The following RIBC2 variants were observed in gnomAD, a reference collection of about 807,000 sequenced individuals.
RIBC2 encodes the protein RIB43A-like with coiled-coils protein 2.
A neutral mutation model predicts 44.3 loss-of-function variants in RIBC2; 40 were observed. The ratio of observed to expected loss-of-function variants is 0.90; its 90% confidence interval spans 0.70 to 1.18. RIBC2 has a LOEUF of 1.18. Among genes scored for constraint, RIBC2 ranks in the 50% most tolerant of loss-of-function variants. The probability of loss-of-function intolerance (pLI) is 0.00; values close to 1 mark genes in which losing one functional copy is unlikely to be tolerated. For synonymous variants in RIBC2, 171 were observed against 175.0 expected, an observed-to-expected ratio of 0.98 and a Z score of 0.18; for missense variants, 459 against 485.5, an observed-to-expected ratio of 0.95 and a Z score of 0.51.
Position 45,417,880 on chromosome 22 carries a change from A to G in RIBC2, c.490A>G (p.Asn164Asp). The G allele has an allele frequency of 6.2e-7, 1 of 1,614,062 alleles. No individual in the cohort carries two copies. Among genetic ancestry groups the G allele is most frequent in the East Asian group, 2.2e-5 (1 of 44,884 alleles). The change falls in exon 3 of 7, where the codon AAC becomes GAC. Residue 164 changes from asparagine (N) to aspartate (D), a missense_variant. Physicochemically the swap from Asn to Asp is conservative, Grantham distance 23. Transcript: ENST00000614167. Reference sequence around the variant, plus strand: ...GAGGAAGAAATTCCAAGAGGAACAAAACAGAGAATGGTCTTTGCAGCAGCA... The same window carrying G: ...GAGGAAGAAATTCCAAGAGGAACAAGACAGAGAATGGTCTTTGCAGCAGCA... ...HERKKFQEEQ[N>D]REWSLQQQRE...
intron 3 of RIBC2, among the ~76,000 whole-genome samples, chr22:45,421,535 TTAA>T (rs1245395198): frequency 2.6e-4 from 9 of 34,704 alleles, no homozygotes; most frequent in Admixed American, 8.7e-4. Context: ...AATAGTATTA[TTAA>T]TAATATTAAT....
At chr22:45,414,882 C>G (rs997913394) in intron 2 of RIBC2, among the ~76,000 whole-genome samples, 3 of 152,118 alleles carry the variant, frequency 2.0e-5, no homozygotes, top group African/African-American at 7.2e-5. Context: ...CTCACTTGCT[C>G]TGCTCAAAAG....
At chr22:45,420,156 C>T (rs1430697394) in intron 3 of RIBC2, among the ~76,000 whole-genome samples, 1 of 152,210 alleles carries the variant, frequency 6.6e-6, no homozygotes, top group Admixed American at 6.5e-5. Flanking sequence ...GCCTTATCTC[C>T]TGCTATGCTG....
Position 45,413,908 on chromosome 22 carries a change from G to A in RIBC2, c.22G>A (p.Val8Met), listed in dbSNP as rs2087388928. 1.3e-6 allele frequency: 2 copies of A among 1,551,532 alleles called. No individual in the cohort carries two copies. The highest frequency in any genetic ancestry group is 4.9e-5 in the East Asian group (2 of 40,910). The change falls in exon 1 of 7, where the codon GTG becomes ATG. Residue 8 changes from valine to methionine, a missense_variant. By Grantham distance (21) the Val-to-Met change is conservative. Coordinates refer to ENST00000614167, the MANE Select transcript of RIBC2 (RefSeq NM_015653.5). ...TTCCATGGGTTCCCAGACCATGGCGGTGGCGCTGCCCAGGGACTTGCGGCA... is the reference window on the plus strand; with the variant it reads ...TTCCATGGGTTCCCAGACCATGGCGATGGCGCTGCCCAGGGACTTGCGGCA... Reference protein sequence around the residue: MGSQTMAVALPRDLRQDA... With the variant: MGSQTMAMALPRDLRQDA...
chr22:45,431,587 G>A (rs959520332), intron 6 of RIBC2, among the ~76,000 whole-genome samples: 2 of 152,282 alleles, frequency 1.3e-5, no homozygotes, highest in African/African-American at 2.4e-5. Flanking sequence ...ACTCAGGGGG[G>A]ACCCAGGAAT....
intron 6 of RIBC2, 100 bp downstream of exon 6, chr22:45,431,166 C>A: frequency 1.5e-6 from 2 of 1,371,890 alleles, no homozygotes; most frequent in Non-Finnish European, 2.0e-6. Flanking sequence ...GGGAAACACC[C>A]CGCCCTGGTG....
intron 3 of RIBC2, among the ~76,000 whole-genome samples, chr22:45,421,450 A>G (rs2146880301): frequency 6.8e-6 from 1 of 146,242 alleles, no homozygotes; most frequent in South Asian, 2.1e-4. Context: ...AATTCATCTA[A>G]CTTCTCTTGG....
intron 2 of RIBC2, among the ~76,000 whole-genome samples, chr22:45,414,653 A>G (rs945533710): frequency 6.6e-6 from 1 of 152,010 alleles, no homozygotes; most frequent in Non-Finnish European, 1.5e-5. Flanking sequence ...CTTTCTTCAC[A>G]TATATAAAAA....
At chr22:45,418,574 G>C (rs376875278) in intron 3 of RIBC2, among the ~76,000 whole-genome samples, 1 of 152,200 alleles carries the variant, frequency 6.6e-6, no homozygotes, top group Non-Finnish European at 1.5e-5. Flanking sequence ...CCACTTCTGT[G>C]CCGGAAAGAC....
intron 3 of RIBC2, among the ~76,000 whole-genome samples, chr22:45,421,055 T>G (rs1025416582): frequency 1.3e-5 from 2 of 151,900 alleles, no homozygotes; most frequent in Non-Finnish European, 2.9e-5. Context: ...GTTCTTACTT[T>G]GGGAGGCCAA....
At position 45,431,080 on chromosome 22, in the gene RIBC2, G is replaced by A. The variant is rs2087576149; in HGVS notation, c.1070+14G>A. ...GCAGCATTTGCAGTGAGTGCTGGGT[G>A]GGACCAGGGCCAGGTGGGGGACCGG... On this transcript the variant is annotated intron_variant, in intron 6 of 6. Transcript: ENST00000614167. The A allele has an allele frequency of 1.9e-6, 3 of 1,563,582 alleles. No homozygotes were observed.
At chr22:45,420,609 TC>T (rs1326036167) in intron 3 of RIBC2, among the ~76,000 whole-genome samples, 1 of 152,176 alleles carries the variant, frequency 6.6e-6, no homozygotes, top group African/African-American at 2.4e-5. Flanking sequence ...CTGCATCTGC[TC>T]CTTTTTCCAT....
At position 45,414,304 on chromosome 22, in the gene RIBC2, C is replaced by A. The variant is rs1408890539; in HGVS notation, c.130-18C>A. The A allele has an allele frequency of 2.6e-6, 4 of 1,544,058 alleles. No homozygotes were observed. The highest frequency in any genetic ancestry group is 1.2e-5 in the South Asian group (1 of 82,664). On this transcript the variant is annotated intron_variant, in intron 1 of 6. Coordinates refer to ENST00000614167, the MANE Select transcript of RIBC2 (RefSeq NM_015653.5). ...ATGATCTGGCTCTAACCCTTCTCCT[C>A]TGTTTTTCCATTTATAGGGAGACAC...
chr22:45,413,984 G>C lies in RIBC2; in HGVS notation c.98G>C (p.Arg33Pro), dbSNP rs1287315884. 35 of 1,551,630 alleles carry C rather than the reference G, an allele frequency of 2.3e-5. No individual in the cohort carries two copies. The highest frequency in any genetic ancestry group is 2.6e-5 in the Non-Finnish European group (30 of 1,147,000). Residue 33 changes from arginine to proline, a missense_variant, in exon 1 of 7, where the codon CGG becomes CCG. Coordinates refer to ENST00000614167, the MANE Select transcript of RIBC2 (RefSeq NM_015653.5). ...RRHAELCRQK[R>P]VFNARNRIIG... ...CACGCGGAGCTGTGCAGGCAGAAGCGGGTCTTCAACGCCAGAAACAGGATA... is the reference window on the plus strand; with the variant it reads ...CACGCGGAGCTGTGCAGGCAGAAGCCGGTCTTCAACGCCAGAAACAGGATA...
intron 4 of RIBC2, among the ~76,000 whole-genome samples, chr22:45,423,373 C>T (rs1324511100): frequency 6.6e-6 from 1 of 151,946 alleles, no homozygotes; most frequent in East Asian, 1.9e-4. Flanking sequence ...GGGGACTTTG[C>T]CTGGGTTCAT....
At chr22:45,421,326 CTAT>C (rs889412593) in intron 3 of RIBC2, among the ~76,000 whole-genome samples, 12 of 82,498 alleles carry the variant, frequency 1.5e-4, no homozygotes, top group African/African-American at 1.4e-3. Context: ...ATTATTAATA[CTAT>C]TATTAATAAT....
chr22:45,425,124 AAAACAAAC>A lies in RIBC2; in HGVS notation c.676-808_676-801del, dbSNP rs538274364. Among the ~76,000 whole-genome samples the A allele has an allele frequency of 3.5e-3, 527 of 152,098 alleles. 1 individual carries two copies. Among genetic ancestry groups the A allele is most frequent in the Non-Finnish European group, 5.2e-3 (356 of 67,998 alleles). Reference sequence around the variant, plus strand: ...TGACAGAGCGAGACTCCGTCTCAAAAAAACAAACAAACAAACAAACAAAAAAAAACGGG... The same window carrying A: ...TGACAGAGCGAGACTCCGTCTCAAAAAAACAAACAAACAAAAAAAAACGGG... On this transcript the variant is annotated intron_variant, in intron 4 of 6. Coordinates refer to ENST00000614167, the MANE Select transcript of RIBC2 (RefSeq NM_015653.5).
rs750249050 is a variant in RIBC2, at chr22:45,417,806, C to T, written c.416C>T (p.Thr139Met). 23 of 1,613,848 alleles carry T rather than the reference C, an allele frequency of 1.4e-5. No homozygotes were observed. The highest frequency in any genetic ancestry group is 9.4e-5 in the African/African-American group (7 of 74,858). ...CAGTCAGATAATGATGTTCGGAATA[C>T]GATATCAGGAATGCAGAAATTCATG... is the stretch of plus-strand genomic sequence containing the variant. ...ARQSDNDVRN[T>M]ISGMQKFMGE... is the part of the protein sequence containing the mutation. The change falls in exon 3 of 7, where the codon ACG becomes ATG. Residue 139 changes from threonine (T) to methionine (M), a missense_variant. Coordinates refer to ENST00000614167, the MANE Select transcript of RIBC2 (RefSeq NM_015653.5).
At chr22:45,430,632 GCTGCTGTAGGAATTGAGTCC>G (rs982352324) in intron 5 of RIBC2, among the ~76,000 whole-genome samples, 4 of 152,210 alleles carry the variant, frequency 2.6e-5, no homozygotes, top group African/African-American at 9.6e-5. Flanking sequence ...GGGAGTGGAG[GCTGCTGTAGGAATTGAGTCC>G]CTGCTGTGCC....
Sources: gnomAD v4.1 joint callset for allele counts (sites outside exome capture counted in the v4.1 genomes callset) on GRCh38, gnomAD v4.1.1 for gene constraint, MANE v1.5 for transcripts, NCBI Gene and HGNC (gene_info 2026-07-23, HGNC 2026-07-21) for gene names.